The following FDXR variants were observed in gnomAD, a reference collection of about 807,000 sequenced individuals.
FDXR encodes the protein NADPH:adrenodoxin oxidoreductase, mitochondrial.
FDXR carries 38 observed loss-of-function variants against 58.3 expected under a neutral mutation model. The ratio of observed to expected loss-of-function variants is 0.65; its 90% CI spans 0.50 to 0.85. FDXR has a LOEUF of 0.85. FDXR is among the 40% of genes least tolerant of loss of function. FDXR has a pLI of 0.00. For synonymous variants in FDXR, 275 were observed against 273.8 expected (o/e 1.00, Z -0.04); for missense variants, 624 against 671.0 (o/e 0.93, Z 0.77).
At chr17:74,870,326 G>A (rs1157585190) in intron 2 of FDXR, among the ~76,000 whole-genome samples, 1 of 152,082 alleles carries the variant, frequency 6.6e-6, no homozygotes, top group African/African-American at 2.4e-5. Flanking sequence ...AAACCAGCCT[G>A]ATCAACATGG....
chr17:74,864,883 C>G lies in FDXR; in HGVS notation c.658G>C (p.Val220Leu), dbSNP rs374574829. ...AALGVLRQSRVKTVWLVGRRG... is the reference protein window; with the variant it reads ...AALGVLRQSRLKTVWLVGRRG... Reference sequence around the variant, plus strand: ...CGGCCCACTAGCCACACTGTCTTCACTCGACTCTGCCTCAGTACACCCAGG... The same window carrying G: ...CGGCCCACTAGCCACACTGTCTTCAGTCGACTCTGCCTCAGTACACCCAGG... Residue 220 changes from valine (V) to leucine (L), a missense_variant, in exon 7 of 12, where the codon GTG becomes CTG. Transcript: ENST00000293195. 2 of 1,614,202 alleles carry G rather than the reference C, an allele frequency of 1.2e-6. No individual in the cohort carries two copies. The highest frequency in any genetic ancestry group is 4.5e-5 in the East Asian group (2 of 44,886).
intron 8 of FDXR, 23 bp from the exon 9 acceptor site, chr17:74,864,370 C>T: frequency 6.3e-7 from 1 of 1,586,682 alleles, no homozygotes; most frequent in Non-Finnish European, 8.6e-7. Context: ...TAGAATGTCT[C>T]CAGGCTGTCC....
intron 2 of FDXR, among the ~76,000 whole-genome samples, chr17:74,870,538 AG>A (rs2038340124): frequency 4.7e-5 from 7 of 149,810 alleles, no homozygotes; most frequent in Non-Finnish European, 1.0e-4. Context: ...AAAAAAAAAA[AG>A]AACACTGCCT....
chr17:74,865,616 T>A, intron 6 of FDXR, 103 bp downstream of exon 6: 1 of 749,400 alleles, frequency 1.3e-6, no homozygotes, highest in South Asian at 1.7e-5. Flanking sequence ...ACAGAGGCAC[T>A]GAGCCCAGCT....
Position 74,865,716 on chromosome 17 carries a change from C to G in FDXR, c.609+3G>C. 6.2e-7 allele frequency: 1 copy of G among 1,605,830 alleles called. No homozygotes were observed. Among genetic ancestry groups the G allele is most frequent in the Non-Finnish European group, 8.5e-7 (1 of 1,176,624 alleles). On this transcript the variant is annotated splice_donor_region_variant and intron_variant, in intron 6 of 11. Coordinates refer to ENST00000293195, the MANE Select transcript of FDXR (RefSeq NM_024417.5). Reference sequence around the variant, plus strand: ...ACCCCGCCAGCCCTGACCTACCACTCACCTCCAGGTGCTCAGGTGGGGTCA... The same window carrying G: ...ACCCCGCCAGCCCTGACCTACCACTGACCTCCAGGTGCTCAGGTGGGGTCA...
intron 2 of FDXR, among the ~76,000 whole-genome samples, chr17:74,867,720 C>T (rs1389048215): frequency 6.6e-6 from 1 of 152,110 alleles, no homozygotes; most frequent in East Asian, 1.9e-4. Flanking sequence ...CTTGAGAGGC[C>T]GTGTGAAAGG....
chr17:74,866,707 C>T, intron 3 of FDXR, 77 bp downstream of exon 3: 4 of 1,585,136 alleles, frequency 2.5e-6, no homozygotes, highest in Non-Finnish European at 3.5e-6. Flanking sequence ...TCCTGTCATC[C>T]AGCCAGGGAG....
At chr17:74,864,624 G>T in intron 7 of FDXR, 60 bp from the exon 8 acceptor site, 1 of 1,520,532 alleles carries the variant, frequency 6.6e-7, no homozygotes, top group Admixed American at 1.8e-5. Flanking sequence ...GTCCACCTGA[G>T]CCCACCCCAG....
chr17:74,862,990 TC>T, intron 11 of FDXR, 43 bp from the exon 12 acceptor site: 1 of 1,604,070 alleles, frequency 6.2e-7, no homozygotes. Context: ...CCTTCACCCC[TC>T]CCAGAACAGC....
intron 2 of FDXR, among the ~76,000 whole-genome samples, chr17:74,870,905 C>A (rs905562766): frequency 1.4e-5 from 2 of 147,514 alleles, no homozygotes; most frequent in African/African-American, 5.0e-5. Flanking sequence ...TGGGTTCAAG[C>A]GATCCTCCCG....
At chr17:74,871,223 G>A (rs1006870751) in intron 2 of FDXR, among the ~76,000 whole-genome samples, 10 of 152,240 alleles carry the variant, frequency 6.6e-5, no homozygotes, top group Non-Finnish European at 1.3e-4. Context: ...TCAGCAGAGT[G>A]ATCAACTCAT....
At position 74,866,485 on chromosome 17, in the gene FDXR, C is replaced by T. The variant is rs551451161; in HGVS notation, c.354G>A (p.Thr118=). 16 of 1,613,642 alleles carry T rather than the reference C, an allele frequency of 9.9e-6. No homozygotes were observed. The highest frequency in any genetic ancestry group is 9.9e-5 in the South Asian group (9 of 91,054). The change falls in exon 4 of 12, where the codon ACG becomes ACA. Residue 118 remains threonine (T), a synonymous_variant. Transcript: ENST00000293195. ...WGNVEVGRDV[T]VPELQEAYHA... Reference sequence around the variant, plus strand: ...GGTAGGCCTCCTGCAGCTCCGGCACCGTCACGTCCCTGCCCACCTCCACGT... The same window carrying T: ...GGTAGGCCTCCTGCAGCTCCGGCACTGTCACGTCCCTGCCCACCTCCACGT...
chr17:74,870,398 T>C (rs1344547477), intron 2 of FDXR, among the ~76,000 whole-genome samples: 1 of 150,304 alleles, frequency 6.7e-6, no homozygotes, highest in Non-Finnish European at 1.5e-5. Context: ...GCGCCTGTAA[T>C]CCCAGTTACT....
chr17:74,869,088 C>T (rs1285519226), intron 2 of FDXR, among the ~76,000 whole-genome samples: 3 of 152,154 alleles, frequency 2.0e-5, no homozygotes, highest in Non-Finnish European at 2.9e-5. Flanking sequence ...TCCTCTTCCT[C>T]ACTACAACCC....
chr17:74,872,819 A>C, intron 1 of FDXR, 47 bp downstream of exon 1: 1 of 1,542,366 alleles, frequency 6.5e-7, no homozygotes, highest in Non-Finnish European at 8.7e-7. Flanking sequence ...CAGCGCTCGC[A>C]GGCCTCCCCG....
At chr17:74,864,414 C>T (rs1028613307) in intron 8 of FDXR, 66 bp downstream of exon 8, 6 of 1,607,418 alleles carry the variant, frequency 3.7e-6, no homozygotes, top group Non-Finnish European at 4.3e-6. Flanking sequence ...ATGCCCTTCC[C>T]CAATCCCTCT....
chr17:74,863,787 G>A (rs2038060034), intron 10 of FDXR, 109 bp downstream of exon 10: 1 of 1,395,712 alleles, frequency 7.2e-7, no homozygotes, highest in Non-Finnish European at 9.8e-7. Context: ...CTGCCCTGCA[G>A]AAGCTTCTCA....
In FDXR at chr17:74,872,917, C is replaced by G; in HGVS notation, c.28G>C (p.Gly10Arg). 1.3e-6 allele frequency: 2 copies of G among 1,556,196 alleles called. No individual in the cohort carries two copies. The highest frequency in any genetic ancestry group is 1.7e-6 in the Non-Finnish European group (2 of 1,150,426). MASRCWRWW[G>R]WSAWPRTRLP... ...CGGGTCCGAGGCCACGCCGACCAGCCCCACCAGCGCCAGCAGCGCGAAGCC... is the reference window on the plus strand; with the variant it reads ...CGGGTCCGAGGCCACGCCGACCAGCGCCACCAGCGCCAGCAGCGCGAAGCC... The change falls in exon 1 of 12, where the codon GGC becomes CGC. Residue 10 changes from glycine (G) to arginine (R), a missense_variant. By Grantham distance (125) the Gly-to-Arg change is moderately radical. Coordinates refer to ENST00000293195, the MANE Select transcript of FDXR (RefSeq NM_024417.5).
At chr17:74,864,980 G>A (rs1159339517) in intron 6 of FDXR, 49 bp from the exon 7 acceptor site, 2 of 1,613,562 alleles carry the variant, frequency 1.2e-6, no homozygotes, top group Admixed American at 1.7e-5. Context: ...ACCGAGGAAA[G>A]GGGACTCTCC....
Sources: gnomAD v4.1 joint callset for allele counts (sites outside exome capture counted in the v4.1 genomes callset) on GRCh38, gnomAD v4.1.1 for gene constraint, MANE v1.5 for transcripts, NCBI Gene and HGNC (gene_info 2026-07-23, HGNC 2026-07-21) for gene names.